The following SCN9A variants were observed in gnomAD, a reference collection of about 807,000 sequenced individuals.
The protein encoded by SCN9A is sodium channel protein type 9 subunit alpha.
In SCN9A, 131 loss-of-function variants were observed where a neutral mutation model predicts 187.0. The observed-to-expected ratio is 0.70, with a 90% confidence interval of 0.61 to 0.81. The LOEUF (loss-of-function observed/expected upper bound fraction) is 0.81. SCN9A is among the 30% of genes least tolerant of loss of function. The pLI, the probability that SCN9A is intolerant of heterozygous loss-of-function variation, is 0.00. For synonymous variants in SCN9A, 809 were observed against 808.6 expected (o/e 1.00, Z -0.01); for missense variants, 2,252 against 2,396.6 (o/e 0.94, Z 1.26).
intron 14 of SCN9A, among the ~76,000 whole-genome samples, chr2:166,279,731 T>C (rs576805572): frequency 9.9e-4 from 151 of 152,270 alleles, no homozygotes; most frequent in African/African-American, 3.4e-3. Flanking sequence ...GTATTTACTA[T>C]ATGCCAGGCT....
At chr2:166,247,137 T>C (rs1359152493) in intron 18 of SCN9A, among the ~76,000 whole-genome samples, 2 of 105,266 alleles carry the variant, frequency 1.9e-5, no homozygotes, top group Admixed American at 2.9e-4. Context: ...CTGAGTTTCA[T>C]CATGTTAAAC....
At chr2:166,259,973 A>T (rs958101473) in intron 17 of SCN9A, among the ~76,000 whole-genome samples, 5 of 151,964 alleles carry the variant, frequency 3.3e-5, no homozygotes, top group African/African-American at 1.2e-4. Flanking sequence ...ATCAAATGCC[A>T]ATTTTACGAA....
chr2:166,200,562 TCAGA>T (rs1693460775), intron 26 of SCN9A, among the ~76,000 whole-genome samples: 1 of 151,858 alleles, frequency 6.6e-6, no homozygotes. Flanking sequence ...GAGTATCACT[TCAGA>T]CATTTTTCTG....
At chr2:166,346,010 C>A (rs1424361746) in intron 1 of SCN9A, among the ~76,000 whole-genome samples, 3 of 152,094 alleles carry the variant, frequency 2.0e-5, no homozygotes, top group Non-Finnish European at 2.9e-5. Flanking sequence ...TGCCTTGAAA[C>A]AACAAAGATG....
chr2:166,284,751 C>T lies in SCN9A; in HGVS notation c.1676G>A (p.Gly559Asp). The T allele has an allele frequency of 1.2e-6, 2 of 1,613,856 alleles. No individual in the cohort carries two copies. The highest frequency in any genetic ancestry group is 1.7e-6 in the Non-Finnish European group (2 of 1,179,876). Residue 559 changes from glycine (G) to aspartate (D), a missense_variant, in exon 12 of 27, where the codon GGC (glycine) becomes GAC (aspartate). By Grantham distance (94) the Gly-to-Asp change is moderately conservative. Transcript: ENST00000642356. ...CTCAGATCCTATATCTCTTCCTCTGCCTTTGAAACTAAAAAGACTTGTTCT... is the reference window on the plus strand; with the variant it reads ...CTCAGATCCTATATCTCTTCCTCTGTCTTTGAAACTAAAAAGACTTGTTCT... ...SSRTSLFSFKGRGRDIGSETE... is the reference protein window; with the variant it reads ...SSRTSLFSFKDRGRDIGSETE...
In SCN9A at chr2:166,195,429, T is replaced by C. The variant is rs1299318543; in HGVS notation, c.*3243A>G. 2.0e-5 allele frequency: 3 copies of C among 152,172 alleles called. No homozygotes were observed. The highest frequency in any genetic ancestry group is 7.2e-5 in the African/African-American group (3 of 41,442). 9.4% of individuals were successfully genotyped at this position (152,172 alleles called of 1,614,324 possible). ...TAATAACATAATAAACCACAGATAT[T>C]TTTAAAAAATTGGTGGCCTTCATAC... On this transcript the variant is annotated 3_prime_UTR_variant, in exon 27 of 27. Coordinates refer to ENST00000642356, the MANE Select transcript of SCN9A (RefSeq NM_001365536.1).
At chr2:166,297,054 G>A (rs2106510733) in intron 7 of SCN9A, among the ~76,000 whole-genome samples, 1 of 151,522 alleles carries the variant, frequency 6.6e-6, no homozygotes, top group African/African-American at 2.4e-5. Context: ...AAAAATAGCT[G>A]GGCGTGGTGG....
intron 1 of SCN9A, among the ~76,000 whole-genome samples, chr2:166,353,530 G>A (rs945040717): frequency 6.6e-6 from 1 of 152,070 alleles, no homozygotes; most frequent in Non-Finnish European, 1.5e-5. Context: ...ATTATTCTAC[G>A]TTTAATTTCC....
intron 1 of SCN9A, among the ~76,000 whole-genome samples, chr2:166,320,869 C>T (rs1294283353): frequency 6.6e-6 from 1 of 152,120 alleles, no homozygotes; most frequent in South Asian, 2.1e-4. Flanking sequence ...TGCAGGTATA[C>T]TCCACTGTGG....
chr2:166,285,503 C>T (rs1697696752), intron 11 of SCN9A, among the ~76,000 whole-genome samples: 1 of 152,122 alleles, frequency 6.6e-6, no homozygotes, highest in Non-Finnish European at 1.5e-5. Context: ...AAGGTCTTTG[C>T]CTCAAAACCA....
chr2:166,242,494 T>A lies in SCN9A; in HGVS notation c.3627+8A>T, dbSNP rs1553482000. The stretch of plus-strand genomic sequence containing the variant: ...TCAATATATTGACTTAGGTGTCAGA[T>A]CATTTACCAGGGCACCACTGCTGAG... On this transcript the variant is annotated splice_region_variant and intron_variant, in intron 19 of 26. Coordinates refer to ENST00000642356, the MANE Select transcript of SCN9A (RefSeq NM_001365536.1). The A allele has an allele frequency of 6.4e-7, 1 of 1,567,584 alleles. No individual in the cohort carries two copies. Among genetic ancestry groups the A allele is most frequent in the Non-Finnish European group, 8.7e-7 (1 of 1,154,342 alleles).
intron 9 of SCN9A, among the ~76,000 whole-genome samples, chr2:166,289,098 A>G (rs1419114424): frequency 6.6e-6 from 1 of 151,850 alleles, no homozygotes; most frequent in East Asian, 1.9e-4. Flanking sequence ...TCTCATAGGT[A>G]TTTTCAATTA....
intron 1 of SCN9A, among the ~76,000 whole-genome samples, chr2:166,362,307 A>G (rs1700304603): frequency 6.6e-6 from 1 of 152,006 alleles, no homozygotes; most frequent in Non-Finnish European, 1.5e-5. Context: ...TCTTGGAACT[A>G]AAGGCTGTGA....
intron 1 of SCN9A, among the ~76,000 whole-genome samples, chr2:166,354,549 C>A (rs189017951): frequency 1.3e-5 from 2 of 152,020 alleles, no homozygotes; most frequent in Non-Finnish European, 2.9e-5. Flanking sequence ...TACTTAAGCA[C>A]CTTAAAATTG....
intron 1 of SCN9A, among the ~76,000 whole-genome samples, chr2:166,326,031 GTA>G (rs1291839303): frequency 6.6e-6 from 1 of 152,122 alleles, no homozygotes; most frequent in Non-Finnish European, 1.5e-5. Context: ...TTTCCTTCCA[GTA>G]TGAACTCTTA....
chr2:166,233,598 C>A, intron 20 of SCN9A, 136 bp from the exon 21 acceptor site: 1 of 506,432 alleles, frequency 2.0e-6, no homozygotes, highest in Non-Finnish European at 3.3e-6. Flanking sequence ...TAGTCAATGC[C>A]TAAAAATAGG....
chr2:166,354,745 A>G (rs1465140825), intron 1 of SCN9A, among the ~76,000 whole-genome samples: 1 of 152,160 alleles, frequency 6.6e-6, no homozygotes, highest in Non-Finnish European at 1.5e-5. Flanking sequence ...TACGCAAATA[A>G]CAGGGAGAAG....
chr2:166,344,531 T>C (rs1224305221), intron 1 of SCN9A, among the ~76,000 whole-genome samples: 1 of 152,100 alleles, frequency 6.6e-6, no homozygotes, highest in Non-Finnish European at 1.5e-5. Flanking sequence ...CTTGCAAGAG[T>C]ACTGGGCTTG....
At chr2:166,270,780 T>TATA (rs971101351) in intron 17 of SCN9A, among the ~76,000 whole-genome samples, 10 of 150,770 alleles carry the variant, frequency 6.6e-5, no homozygotes, top group Non-Finnish European at 1.0e-4. Flanking sequence ...TATATATATA[T>TATA]ATCAGTCATG....
Sources: gnomAD v4.1 joint callset for allele counts (sites outside exome capture counted in the v4.1 genomes callset) on GRCh38, gnomAD v4.1.1 for gene constraint, MANE v1.5 for transcripts, NCBI Gene and HGNC (gene_info 2026-07-23, HGNC 2026-07-21) for gene names.